CDHR2: variants seen among roughly 807,000 people sequenced by gnomAD.
CDHR2 encodes cadherin related family member 2.
A neutral mutation model predicts 138.6 loss-of-function variants in CDHR2; 104 were observed. The ratio of observed to expected loss-of-function variants is 0.75; its 90% confidence interval spans 0.64 to 0.88. CDHR2 has a LOEUF of 0.88. CDHR2 is among the 40% of genes least tolerant of loss of function. The probability of loss-of-function intolerance (pLI) is 0.00; values close to 1 mark genes in which losing one functional copy is unlikely to be tolerated. For synonymous variants in CDHR2, 755 were observed against 742.8 expected, an observed-to-expected ratio of 1.02 and a Z score of -0.27; for missense variants, 1,624 against 1,727.6, an observed-to-expected ratio of 0.94 and a Z score of 1.06.
intron 21 of CDHR2, among the ~76,000 whole-genome samples, chr5:176,588,724 T>TGAGA (rs10665839): frequency 6.1e-5 from 9 of 147,566 alleles, no homozygotes; most frequent in South Asian, 4.3e-4. Flanking sequence ...TGTGTGTGTG[T>TGAGA]GAGAGAGAGA....
At chr5:176,561,307 C>G (rs1757963030) in intron 1 of CDHR2, among the ~76,000 whole-genome samples, 1 of 152,182 alleles carries the variant, frequency 6.6e-6, no homozygotes, top group Non-Finnish European at 1.5e-5. Context: ...CCACATTACA[C>G]TCTGCTCTAT....
intron 1 of CDHR2, among the ~76,000 whole-genome samples, chr5:176,563,147 AG>A (rs1331576643): frequency 1.3e-5 from 2 of 152,306 alleles, no homozygotes; most frequent in South Asian, 4.2e-4. Flanking sequence ...CAGGAGTTCA[AG>A]ACCAGCCTGG....
At chr5:176,594,249 C>T (rs1460384800) in intron 31 of CDHR2, among the ~76,000 whole-genome samples, 1 of 152,200 alleles carries the variant, frequency 6.6e-6, no homozygotes, top group Non-Finnish European at 1.5e-5. Flanking sequence ...CTGCCCAAGG[C>T]TCCACCCTGT....
chr5:176,579,164 C>T (rs1008031097), intron 16 of CDHR2, among the ~76,000 whole-genome samples: 3 of 152,190 alleles, frequency 2.0e-5, no homozygotes, highest in Admixed American at 6.5e-5. Flanking sequence ...CTTCCTCCCT[C>T]GTCCTGAGGA....
intron 3 of CDHR2, among the ~76,000 whole-genome samples, chr5:176,566,512 G>A (rs1758084802): frequency 6.6e-6 from 1 of 152,230 alleles, no homozygotes; most frequent in Non-Finnish European, 1.5e-5. Context: ...CAAGGCGGAG[G>A]TGAATTACCG....
At chr5:176,569,066 G>T in intron 5 of CDHR2, 56 bp downstream of exon 5, 1 of 1,564,596 alleles carries the variant, frequency 6.4e-7, no homozygotes, top group Non-Finnish European at 8.8e-7. Flanking sequence ...ATTCCTGATT[G>T]TGTCCCCACC....
At chr5:176,545,184 C>T (rs115143684), upstream of CDHR2, among the ~76,000 whole-genome samples, 2,254 of 152,200 alleles carry the variant, frequency 0.015, 50 homozygotes, top group African/African-American at 0.051. Context: ...GGTGCAATCT[C>T]GGCTCACTGC....
chr5:176,589,074 C>G lies in CDHR2; in HGVS notation c.2900C>G (p.Ser967Cys). 1.2e-6 allele frequency: 2 copies of G among 1,614,106 alleles called. No individual in the cohort carries two copies. Among genetic ancestry groups the G allele is most frequent in the Non-Finnish European group, 1.7e-6 (2 of 1,179,996 alleles). The change falls in exon 22 of 32, where the codon TCC (serine) becomes TGC (cysteine). Residue 967 changes from serine to cysteine, a missense_variant. Physicochemically the swap from Ser to Cys is moderately radical, Grantham distance 112 (BLOSUM62 -1). Coordinates refer to ENST00000261944, the MANE Select transcript of CDHR2 (RefSeq NM_017675.6). ...GGGAACAATGGCGTCATCCTGTTCT[C>G]CATCCTCCGAGTAGACTTCATCTCT... ...DSGNNGVILFSILRVDFISKD... is the reference protein window; with the variant it reads ...DSGNNGVILFCILRVDFISKD...
upstream of CDHR2, among the ~76,000 whole-genome samples, chr5:176,545,273 G>A (rs1757559932): frequency 6.6e-6 from 1 of 151,990 alleles, no homozygotes; most frequent in Admixed American, 6.6e-5. Context: ...ACAGGTGCAC[G>A]CCACCACGCT....
At chr5:176,546,111 TGG>T (rs1340402825), upstream of CDHR2, among the ~76,000 whole-genome samples, 1 of 152,152 alleles carries the variant, frequency 6.6e-6, no homozygotes, top group Non-Finnish European at 1.5e-5. Flanking sequence ...CCTGGAGCCT[TGG>T]GTGGGGTCAC....
At chr5:176,579,729 G>A (rs1581143948) in intron 16 of CDHR2, among the ~76,000 whole-genome samples, 1 of 152,200 alleles carries the variant, frequency 6.6e-6, no homozygotes, top group Non-Finnish European at 1.5e-5. Context: ...GGTGGAGACT[G>A]GCTGGGAGGA....
At chr5:176,561,768 T>G (rs1205060628) in intron 1 of CDHR2, among the ~76,000 whole-genome samples, 1 of 151,662 alleles carries the variant, frequency 6.6e-6, no homozygotes. Context: ...GTCTCCTGAG[T>G]AGCTGGGACT....
intron 24 of CDHR2, 118 bp from the exon 25 acceptor site, chr5:176,589,960 G>T: frequency 2.5e-6 from 2 of 811,054 alleles, no homozygotes; most frequent in South Asian, 1.4e-5. Flanking sequence ...TCAGCCAACA[G>T]AGCTGTCCAG....
chr5:176,588,712 A>AGT (rs1554144044), intron 21 of CDHR2, among the ~76,000 whole-genome samples: 1,747 of 100,636 alleles, frequency 0.017, 40 homozygotes, highest in African/African-American at 0.058. Flanking sequence ...TGTGTGTGTG[A>AGT]GTGTGTGTGT....
rs10476196 is a variant in CDHR2, at chr5:176,574,252, G to A, written c.495+80G>A. 0.013 allele frequency: 13,626 copies of A among 1,062,652 alleles called. 1,124 individuals carry two copies. In the African/African-American group the frequency reaches 0.19, roughly 14 times the overall value. 65.8% of individuals were successfully genotyped at this position (1,062,652 alleles called of 1,614,324 possible). On this transcript the variant is annotated intron_variant, in intron 7 of 31. Coordinates refer to ENST00000261944, the MANE Select transcript of CDHR2 (RefSeq NM_017675.6). ...CACAGACAACCCACAGGGCCTGAAC[G>A]TTGGGGTGGGGACATTGGTCCTGCC...
rs182683154 is a variant in CDHR2, at chr5:176,561,419, C to T, written c.-15-3919C>T. Among the ~76,000 whole-genome samples the T allele has an allele frequency of 1.3e-3, 194 of 152,262 alleles. No individual in the cohort carries two copies. In the South Asian group the frequency reaches 0.014, roughly 11 times the overall value. On this transcript the variant is annotated intron_variant, in intron 1 of 31. Coordinates refer to ENST00000261944, the MANE Select transcript of CDHR2 (RefSeq NM_017675.6). ...TCACTGAGCCTACACTGGGCTCAGC[C>T]CTGTGCTTGGTCCTGGGGTCACAAA...
At chr5:176,592,301 GTGA>G (rs1409349406) in intron 30 of CDHR2, among the ~76,000 whole-genome samples, 1 of 132,900 alleles carries the variant, frequency 7.5e-6, no homozygotes, top group African/African-American at 3.1e-5. Context: ...GGTGGTGATG[GTGA>G]TGGTGGTGGT....
intron 5 of CDHR2, 25 bp from the exon 6 acceptor site, chr5:176,571,188 G>A: frequency 1.9e-6 from 3 of 1,547,530 alleles, no homozygotes; most frequent in Non-Finnish European, 2.7e-6. Context: ...ATTTTCTGGG[G>A]TCCCCTGGGC....
chr5:176,565,785 C>T lies in CDHR2; in HGVS notation c.124+42C>T, dbSNP rs774111429. 12 of 1,555,430 alleles carry T rather than the reference C, an allele frequency of 7.7e-6. No individual in the cohort carries two copies. The South Asian group carries it at 1.1e-4, about 15-fold the overall frequency. ...GTGTCTGCCCCATGTCAGGTCCTGA[C>T]CCACAGGAAAGTCCTGGGGTGCCCT... On this transcript the variant is annotated intron_variant, in intron 3 of 31. Transcript: ENST00000261944.
Sources: allele counts gnomAD v4.1 joint callset (sites outside exome capture counted in the v4.1 genomes callset), GRCh38; gene constraint gnomAD v4.1.1; transcripts MANE v1.5; gene names NCBI Gene and HGNC (gene_info 2026-07-23, HGNC 2026-07-21).